ANO6: variants seen among roughly 807,000 people sequenced by gnomAD.
ANO6 encodes anoctamin-6.
A neutral mutation model predicts 117.5 loss-of-function variants in ANO6; 106 were observed. The ratio of observed to expected loss-of-function variants is 0.90; its 90% CI spans 0.77 to 1.06. ANO6 has a LOEUF of 1.06. Among genes scored for constraint, ANO6 ranks in the 50% least tolerant of loss-of-function variants. The pLI, the probability that ANO6 is intolerant of heterozygous loss-of-function variation, is 0.00. For missense variants in ANO6, 955 were observed against 1,121.1 expected (o/e 0.85, Z 2.12); for synonymous variants, 367 against 385.1 (o/e 0.95, Z 0.55).
At chr12:45,248,936 T>C (rs1468608070) in intron 1 of ANO6, among the ~76,000 whole-genome samples, 1 of 152,212 alleles carries the variant, frequency 6.6e-6, no homozygotes, top group Admixed American at 6.5e-5. Context: ...TATTGTACTT[T>C]ATTTTTTGAT....
intron 10 of ANO6, among the ~76,000 whole-genome samples, chr12:45,380,197 C>T (rs988675398): frequency 4.3e-4 from 65 of 152,322 alleles, no homozygotes; most frequent in African/African-American, 1.3e-3. Context: ...GGCAGCCCAC[C>T]TGTTCATACT....
In ANO6 at chr12:45,429,843, C is replaced by A. The variant is rs764906732; in HGVS notation, c.*532C>A. On this transcript the variant is annotated 3_prime_UTR_variant, in exon 20 of 20. Transcript: ENST00000320560. ...ATATTTAGGTGTATTTTCAATACCT[C>A]CAGAAAGGAAACCTCAGTTAATCAG... The A allele has an allele frequency of 6.6e-5, 65 of 989,556 alleles. No individual in the cohort carries two copies. The highest frequency in any genetic ancestry group is 6.5e-5 in the Non-Finnish European group (54 of 832,492). 61.3% of individuals were successfully genotyped at this position (989,556 alleles called of 1,614,324 possible).
At chr12:45,278,864 T>G (rs1307005404) in intron 1 of ANO6, among the ~76,000 whole-genome samples, 1 of 152,196 alleles carries the variant, frequency 6.6e-6, no homozygotes, top group Admixed American at 6.5e-5. Context: ...GTGACCTGTT[T>G]GGCTGTTTGT....
chr12:45,300,485 A>AT, intron 1 of ANO6, among the ~76,000 whole-genome samples: 1 of 152,172 alleles, frequency 6.6e-6, no homozygotes, highest in Non-Finnish European at 1.5e-5. Flanking sequence ...GCCAAAAATA[A>AT]TTTTTTATAG....
chr12:45,399,353 G>A (rs978981394), intron 12 of ANO6, among the ~76,000 whole-genome samples: 12 of 152,046 alleles, frequency 7.9e-5, no homozygotes, highest in South Asian at 4.2e-4. Flanking sequence ...CTGCCACCAC[G>A]CCCAGCTAAT....
chr12:45,391,129 TAAATA>T (rs1397312714), intron 12 of ANO6, among the ~76,000 whole-genome samples: 1 of 151,066 alleles, frequency 6.6e-6, no homozygotes, highest in African/African-American at 2.4e-5. Flanking sequence ...AAAAAAAAAA[TAAATA>T]AAATGTCTAG....
rs933073715 is a variant in ANO6, at chr12:45,431,142, C to A, written c.*1831C>A. 13 of 985,158 alleles carry A rather than the reference C, an allele frequency of 1.3e-5. No homozygotes were observed. The Admixed American group carries it at 4.3e-4, about 33-fold the overall frequency. The allele number at this position is 985,158 out of a possible 1,614,324, so 61.0% of individuals were successfully genotyped here. A position where few individuals can be genotyped will look rare whatever the true frequency, so the allele number is the denominator to read the frequency against. ...ACCCCATTTCACTGTCTCTCTTGATCGTGTTAATGATGCAATCAGAGTTCA... is the reference window on the plus strand; with the variant it reads ...ACCCCATTTCACTGTCTCTCTTGATAGTGTTAATGATGCAATCAGAGTTCA... On this transcript the variant is annotated 3_prime_UTR_variant, in exon 20 of 20. Coordinates refer to ENST00000320560, the MANE Select transcript of ANO6 (RefSeq NM_001025356.3).
intron 16 of ANO6, among the ~76,000 whole-genome samples, chr12:45,416,290 T>G (rs1943210139): frequency 1.3e-5 from 2 of 152,044 alleles, no homozygotes; most frequent in South Asian, 4.2e-4. Flanking sequence ...CTTTTTGTCT[T>G]TAACTTGTTA....
At chr12:45,222,555 G>C (rs1437218949) in intron 1 of ANO6, among the ~76,000 whole-genome samples, 5 of 152,090 alleles carry the variant, frequency 3.3e-5, no homozygotes, top group South Asian at 2.1e-4. Context: ...ATGGTTCCTG[G>C]CTTATAACTA....
intron 8 of ANO6, among the ~76,000 whole-genome samples, chr12:45,360,250 A>G (rs182900813): frequency 5.5e-4 from 84 of 152,330 alleles, no homozygotes; most frequent in Admixed American, 3.0e-3. Context: ...TACTTTTCAT[A>G]GTTACAGAGG....
At position 45,395,492 on chromosome 12, in the gene ANO6, GA is replaced by G. The variant is rs202159029; in HGVS notation, c.1386+4995del. 9.3e-3 allele frequency among the ~76,000 whole-genome samples: 1,413 copies of G among 152,284 alleles called. 25 individuals are homozygous for G. The highest frequency in any genetic ancestry group is 0.032 in the African/African-American group (1,332 of 41,548). On this transcript the variant is annotated intron_variant, in intron 12 of 19. Coordinates refer to ENST00000320560, the MANE Select transcript of ANO6 (RefSeq NM_001025356.3). ...GGGAATCCTCCCTAACTCATTTTATGAGGCCAGCATCATCCTGATATCAAAG... is the reference window on the plus strand; with the variant it reads ...GGGAATCCTCCCTAACTCATTTTATGGGCCAGCATCATCCTGATATCAAAG...
At chr12:45,336,963 G>C (rs1459227755) in intron 3 of ANO6, among the ~76,000 whole-genome samples, 3 of 151,970 alleles carry the variant, frequency 2.0e-5, no homozygotes, top group Admixed American at 6.6e-5. Flanking sequence ...TGATGATCCT[G>C]ACCCTGTGTA....
chr12:45,271,776 A>G (rs190619152), intron 1 of ANO6, among the ~76,000 whole-genome samples: 48 of 152,360 alleles, frequency 3.2e-4, no homozygotes, highest in African/African-American at 8.7e-4. Flanking sequence ...CTGAAAAGTA[A>G]TAATTTTCTT....
intron 1 of ANO6, among the ~76,000 whole-genome samples, chr12:45,267,959 C>G (rs1659109096): frequency 6.6e-6 from 1 of 151,414 alleles, no homozygotes; most frequent in African/African-American, 2.4e-5. Flanking sequence ...AGAAAAATAA[C>G]TCTCTCTCCC....
chr12:45,282,922 C>G (rs1426025229), intron 1 of ANO6, among the ~76,000 whole-genome samples: 2 of 152,278 alleles, frequency 1.3e-5, no homozygotes, highest in African/African-American at 2.4e-5. Flanking sequence ...ATTGCTCGCT[C>G]TCTCATACAC....
Position 45,421,109 on chromosome 12 carries a change from C to T in ANO6, c.2256C>T (p.Arg752=), listed in dbSNP as rs145543109. ...IIAFTSDMIP[R]LVYYWSFSVP... is the part of the protein sequence containing the mutation. ...CTTTCACGTCGGACATGATCCCCCG[C>T]CTAGTGTACTACTGGTCCTTCTCCG... Residue 752 remains arginine (R), a synonymous_variant, in exon 18 of 20, where the codon CGC becomes CGT. Coordinates refer to ENST00000320560, the MANE Select transcript of ANO6 (RefSeq NM_001025356.3). 7 of 1,614,122 alleles carry T rather than the reference C, an allele frequency of 4.3e-6. No individual in the cohort carries two copies. Among genetic ancestry groups the T allele is most frequent in the Non-Finnish European group, 5.9e-6 (7 of 1,180,052 alleles).
At chr12:45,416,211 A>G (rs536214514) in intron 16 of ANO6, among the ~76,000 whole-genome samples, 8 of 152,240 alleles carry the variant, frequency 5.3e-5, no homozygotes, top group African/African-American at 1.9e-4. Flanking sequence ...AGGGGAGCTC[A>G]CTCATTTGCT....
chr12:45,386,423 T>C (rs1044557814), intron 10 of ANO6, among the ~76,000 whole-genome samples: 2 of 152,340 alleles, frequency 1.3e-5, no homozygotes, highest in East Asian at 3.9e-4. Flanking sequence ...AGACACTTCC[T>C]ATTTCCAAGG....
intron 16 of ANO6, among the ~76,000 whole-genome samples, chr12:45,410,815 A>AAT (rs1943067646): frequency 6.6e-6 from 1 of 152,224 alleles, no homozygotes. Context: ...TGCTTTTAAA[A>AAT]ATATACATTA....
Sources: allele counts gnomAD v4.1 joint callset (sites outside exome capture counted in the v4.1 genomes callset), GRCh38; gene constraint gnomAD v4.1.1; transcripts MANE v1.5; gene names NCBI Gene and HGNC (gene_info 2026-07-23, HGNC 2026-07-21).